SPON1: variants seen among roughly 807,000 people sequenced by gnomAD.
The protein encoded by SPON1 is spondin 1.
SPON1 carries 52 observed loss-of-function variants against 111.7 expected under a neutral mutation model. The ratio of observed to expected loss-of-function variants is 0.47; its 90% CI spans 0.37 to 0.59. The LOEUF is 0.59. Among genes scored for constraint, SPON1 ranks in the 20% least tolerant of loss-of-function variants. The probability of loss-of-function intolerance (pLI) is 0.00; values close to 1 mark genes in which losing one functional copy is unlikely to be tolerated. For missense variants in SPON1, 957 were observed against 1,068.5 expected (o/e 0.90, Z 1.46); for synonymous variants, 410 against 395.8 (o/e 1.04, Z -0.43).
chr11:14,116,963 T>C (rs1849271376), intron 5 of SPON1, among the ~76,000 whole-genome samples: 1 of 152,200 alleles, frequency 6.6e-6, no homozygotes, highest in African/African-American at 2.4e-5. Flanking sequence ...TTATATGTTT[T>C]ATGCTATTGT....
intron 2 of SPON1, among the ~76,000 whole-genome samples, chr11:14,009,941 C>T (rs1848391150): frequency 6.6e-6 from 1 of 152,166 alleles, no homozygotes; most frequent in African/African-American, 2.4e-5. Flanking sequence ...AACATAAGAA[C>T]TTGATGGAGG....
intron 1 of SPON1, among the ~76,000 whole-genome samples, chr11:13,970,532 C>T (rs1187403535): frequency 6.6e-6 from 1 of 152,156 alleles, no homozygotes; most frequent in Non-Finnish European, 1.5e-5. Context: ...CAGGTGGGCA[C>T]AGTCACAGCA....
intron 5 of SPON1, among the ~76,000 whole-genome samples, chr11:14,089,344 T>C (rs1849031684): frequency 6.6e-6 from 1 of 152,170 alleles, no homozygotes; most frequent in Non-Finnish European, 1.5e-5. Context: ...TTGATGTTGA[T>C]GTTATTGCTT....
chr11:14,059,319 A>C (rs1342163024), intron 3 of SPON1, among the ~76,000 whole-genome samples: 2 of 152,230 alleles, frequency 1.3e-5, no homozygotes, highest in Non-Finnish European at 1.5e-5. Context: ...GAAACTGGGC[A>C]CAAAGTTGGG....
chr11:14,034,385 G>C (rs1848579670), intron 2 of SPON1, among the ~76,000 whole-genome samples: 1 of 152,092 alleles, frequency 6.6e-6, no homozygotes, highest in Non-Finnish European at 1.5e-5. Context: ...ACCCACTCTA[G>C]ATGACGAGTG....
rs190043511 is a variant in SPON1 at position 13,970,200 on chromosome 11, T to C, written c.238+7058T>C. ...TATAAAATGCCCCACTTTTACAGAA[T>C]GTTTTGGCAGGGATGGAGTTGGGGT... On this transcript the variant is annotated intron_variant, in intron 1 of 15. Coordinates refer to ENST00000576479, the MANE Select transcript of SPON1 (RefSeq NM_006108.4). Among the ~76,000 whole-genome samples, 621 of 152,294 alleles carry C rather than the reference T, an allele frequency of 4.1e-3. 5 individuals are homozygous for C. The highest frequency in any genetic ancestry group is 0.014 in the African/African-American group (570 of 41,548).
chr11:14,081,746 G>A (rs1367158588), intron 5 of SPON1, among the ~76,000 whole-genome samples: 3 of 152,092 alleles, frequency 2.0e-5, no homozygotes, highest in East Asian at 3.9e-4. Flanking sequence ...GGTCCCAAAG[G>A]AAAGGGGGAG....
At position 14,248,890 on chromosome 11, in the gene SPON1, A is replaced by C. The variant is rs190700435; in HGVS notation, c.890+5494A>C. The stretch of plus-strand genomic sequence containing the variant: ...GCTGACTTGTTTAGCTCAATAAATC[A>C]AGCTGTGGCTCCGACAGCCCAGGGT... On this transcript the variant is annotated intron_variant, in intron 7 of 15. Coordinates refer to ENST00000576479, the MANE Select transcript of SPON1 (RefSeq NM_006108.4). Among the ~76,000 whole-genome samples, 205 of 152,288 alleles carry C rather than the reference A, an allele frequency of 1.3e-3. 1 individual carries two copies. The highest frequency in any genetic ancestry group is 0.012 in the Admixed American group (183 of 15,300).
At chr11:14,007,934 A>G (rs1554913335) in intron 2 of SPON1, among the ~76,000 whole-genome samples, 1 of 152,188 alleles carries the variant, frequency 6.6e-6, no homozygotes, top group African/African-American at 2.4e-5. Context: ...TTTTAAGGAT[A>G]CATATGATTG....
chr11:14,095,579 A>G (rs1554923823), intron 5 of SPON1, among the ~76,000 whole-genome samples: 1 of 152,154 alleles, frequency 6.6e-6, no homozygotes, highest in Non-Finnish European at 1.5e-5. Flanking sequence ...AAAGCCTGAG[A>G]ACAAAGGGAG....
chr11:14,240,898 C>A (rs1848918247), intron 6 of SPON1, among the ~76,000 whole-genome samples: 1 of 152,102 alleles, frequency 6.6e-6, no homozygotes, highest in Non-Finnish European at 1.5e-5. Context: ...AGATATCCAA[C>A]ACTTTAAAAA....
intron 5 of SPON1, among the ~76,000 whole-genome samples, chr11:14,094,597 G>C (rs1337598352): frequency 6.6e-6 from 1 of 152,042 alleles, no homozygotes. Flanking sequence ...TAGGGTGTTG[G>C]CATGAATCAA....
At chr11:14,079,191 T>TC (rs1848941186) in intron 4 of SPON1, among the ~76,000 whole-genome samples, 1 of 152,178 alleles carries the variant, frequency 6.6e-6, no homozygotes, top group Admixed American at 6.5e-5. Flanking sequence ...AATCTCTCTT[T>TC]CCCCACTTAT....
chr11:14,198,295 A>C (rs1221175966), intron 6 of SPON1, among the ~76,000 whole-genome samples: 1 of 152,230 alleles, frequency 6.6e-6, no homozygotes, highest in African/African-American at 2.4e-5. Context: ...AGACCAAAGG[A>C]AGGAAAATCC....
At chr11:14,197,648 CAAA>C (rs11343423) in intron 6 of SPON1, among the ~76,000 whole-genome samples, 231 of 119,898 alleles carry the variant, frequency 1.9e-3, no homozygotes, top group African/African-American at 6.7e-3. Flanking sequence ...ACTAAATATA[CAAA>C]AAAAAAAAAA....
intron 2 of SPON1, among the ~76,000 whole-genome samples, chr11:13,996,911 G>A (rs782478774): frequency 4.5e-4 from 69 of 152,054 alleles, no homozygotes; most frequent in Non-Finnish European, 7.5e-4. Context: ...TAATTTATTC[G>A]AAGATTCCTC....
intron 3 of SPON1, among the ~76,000 whole-genome samples, chr11:14,054,926 C>T (rs968433461): frequency 1.1e-4 from 16 of 152,212 alleles, no homozygotes; most frequent in Non-Finnish European, 1.8e-4. Flanking sequence ...TGTAGCTCCA[C>T]GTAGAAATCT....
At chr11:14,247,251 A>T (rs1554940317) in intron 7 of SPON1, among the ~76,000 whole-genome samples, 1 of 152,190 alleles carries the variant, frequency 6.6e-6, no homozygotes, top group African/African-American at 2.4e-5. Flanking sequence ...TCTACAAAAA[A>T]TTTTAAAAAC....
chr11:14,168,721 A>G (rs1457795307), intron 6 of SPON1, among the ~76,000 whole-genome samples: 3 of 136,934 alleles, frequency 2.2e-5, no homozygotes, highest in Non-Finnish European at 3.0e-5. Context: ...CTCATTGTTC[A>G]ATTCCCACCT....
Sources: gnomAD v4.1 joint callset for allele counts (sites outside exome capture counted in the v4.1 genomes callset) on GRCh38, gnomAD v4.1.1 for gene constraint, MANE v1.5 for transcripts, NCBI Gene and HGNC (gene_info 2026-07-23, HGNC 2026-07-21) for gene names.